Variants in NAMPT observed in about 807,000 individuals in gnomAD.
NAMPT encodes NAmPRTase.
In NAMPT, 7 loss-of-function variants were observed where a neutral mutation model predicts 58.7. The observed-to-expected ratio is 0.12, with a 90% CI of 0.07 to 0.22. The LOEUF is 0.22. Among genes scored for constraint, NAMPT ranks in the 10% least tolerant of loss-of-function variants. The probability of loss-of-function intolerance (pLI) is 1.00; values close to 1 mark genes in which losing one functional copy is unlikely to be tolerated. For synonymous variants in NAMPT, 145 were observed against 198.1 expected (o/e 0.73, Z 2.25); for missense variants, 271 against 567.9 (o/e 0.48, Z 5.31).
At chr7:106,275,257 G>A (rs1792610887) in intron 2 of NAMPT, 1 of 344,042 alleles carries the variant, frequency 2.9e-6, no homozygotes, top group Middle Eastern at 7.1e-4. Context: ...TTTATTTATT[G>A]TAAAAGCAGA....
intron 7 of NAMPT, among the ~76,000 whole-genome samples, chr7:106,262,222 T>C (rs142579353): frequency 3.9e-5 from 6 of 152,100 alleles, no homozygotes; most frequent in Middle Eastern, 3.2e-3. Flanking sequence ...AAGTTCTCCT[T>C]TGCTCTTAAA....
chr7:106,282,506 C>T (rs1792786100), intron 1 of NAMPT, among the ~76,000 whole-genome samples: 2 of 152,208 alleles, frequency 1.3e-5, no homozygotes, highest in African/African-American at 2.4e-5. Context: ...GTCCTTACTT[C>T]TAACAAGAAC....
intron 10 of NAMPT, 56 bp from the exon 11 acceptor site, chr7:106,251,249 C>T: frequency 8.6e-7 from 1 of 1,166,206 alleles, no homozygotes; most frequent in East Asian, 2.4e-5. Context: ...ATACCTGAAT[C>T]CTGGTTTGAT....
Position 106,269,247 on chromosome 7 carries a change from T to C in NAMPT, c.513A>G (p.Ile171Met), listed in dbSNP as rs755948396. Residue 171 changes from isoleucine (I) to methionine (M), a missense_variant, in exon 5 of 11, where the codon ATA becomes ATG. This residue lies in a region of NAMPT where 103 missense variants were observed against 194.2 expected (regional missense o/e 0.53). Coordinates refer to ENST00000222553, the MANE Select transcript of NAMPT (RefSeq NM_005746.3). ...AAGTTTCTAACAAATATTTGGCCAATATTTTCTTCTGCTCTCTAGAATTTG... is the reference window on the plus strand; with the variant it reads ...AAGTTTCTAACAAATATTTGGCCAACATTTTCTTCTGCTCTCTAGAATTTG... ...VATNSREQKK[I>M]LAKYLLETSG... The C allele has an allele frequency of 6.2e-7, 1 of 1,613,418 alleles. No individual in the cohort carries two copies. Among genetic ancestry groups the C allele is most frequent in the South Asian group, 1.1e-5 (1 of 91,040 alleles).
At chr7:106,285,013 GA>G, upstream of NAMPT, 2 of 1,430,334 alleles carry the variant, frequency 1.4e-6, no homozygotes, top group Non-Finnish European at 1.9e-6. Flanking sequence ...GGGAGAGGGG[GA>G]AACGGAGAGA....
intron 10 of NAMPT, among the ~76,000 whole-genome samples, chr7:106,251,888 T>A (rs1019239720): frequency 1.3e-5 from 2 of 152,108 alleles, no homozygotes; most frequent in African/African-American, 4.8e-5. Context: ...ACTAAGGAGT[T>A]ACCTGCTTCT....
chr7:106,285,084 G>A (rs879303910), upstream of NAMPT: 95 of 1,351,304 alleles, frequency 7.0e-5, no homozygotes, highest in Non-Finnish European at 8.6e-5. Context: ...TGACGGCTGC[G>A]GCGGCTCGCG....
At chr7:106,282,466 A>G (rs910243097) in intron 1 of NAMPT, among the ~76,000 whole-genome samples, 15 of 152,232 alleles carry the variant, frequency 9.9e-5, no homozygotes, top group African/African-American at 3.4e-4. Context: ...AGCACATTTC[A>G]TAACTAATGG....
At chr7:106,263,929 C>T (rs578234806) in intron 6 of NAMPT, among the ~76,000 whole-genome samples, 1 of 152,148 alleles carries the variant, frequency 6.6e-6, no homozygotes, top group African/African-American at 2.4e-5. Flanking sequence ...CATTTAAAAT[C>T]AGTCTAACTA....
intron 10 of NAMPT, among the ~76,000 whole-genome samples, chr7:106,251,936 T>C (rs748211573): frequency 1.7e-4 from 26 of 151,998 alleles, no homozygotes; most frequent in Non-Finnish European, 3.1e-4. Flanking sequence ...TAATCTCAAT[T>C]TTCCACCTAG....
At chr7:106,255,470 A>G (rs527534140) in intron 8 of NAMPT, among the ~76,000 whole-genome samples, 1 of 152,316 alleles carries the variant, frequency 6.6e-6, no homozygotes, top group Non-Finnish European at 1.5e-5. Flanking sequence ...ATTCTCACCA[A>G]ATAGTCTCAA....
chr7:106,285,251 T>G, upstream of NAMPT: 1 of 884,256 alleles, frequency 1.1e-6, no homozygotes, highest in Non-Finnish European at 1.4e-6. Flanking sequence ...GCGCTCTTCC[T>G]CCCAGACGCC....
chr7:106,271,168 G>A (rs1049269747), intron 4 of NAMPT, among the ~76,000 whole-genome samples: 5 of 152,030 alleles, frequency 3.3e-5, no homozygotes. Context: ...AGGTGGAGCT[G>A]ATTCATACAG....
At chr7:106,281,897 C>T (rs1237855452) in intron 1 of NAMPT, among the ~76,000 whole-genome samples, 2 of 152,128 alleles carry the variant, frequency 1.3e-5, no homozygotes, top group South Asian at 2.1e-4. Context: ...TAACTCACAA[C>T]GAGAACACCA....
intron 1 of NAMPT, among the ~76,000 whole-genome samples, chr7:106,280,167 G>A (rs887494625): frequency 2.0e-5 from 3 of 152,158 alleles, no homozygotes; most frequent in African/African-American, 7.2e-5. Flanking sequence ...ACCAAAGAGT[G>A]CAGGAGTTAG....
chr7:106,252,321 A>G (rs1792118372), intron 10 of NAMPT, among the ~76,000 whole-genome samples: 1 of 152,128 alleles, frequency 6.6e-6, no homozygotes, highest in African/African-American at 2.4e-5. Context: ...TTTGATTTAC[A>G]AACATATTTT....
At chr7:106,269,417 C>A in intron 4 of NAMPT, 105 bp from the exon 5 acceptor site, 1 of 1,042,382 alleles carries the variant, frequency 9.6e-7, no homozygotes. Context: ...CCTGAACTTC[C>A]ATACTATTAA....
chr7:106,251,122 A>T lies in NAMPT; in HGVS notation c.1437T>A (p.Asn479Lys). 6.2e-7 allele frequency: 1 copy of T among 1,601,762 alleles called. No homozygotes were observed. Among genetic ancestry groups the T allele is most frequent in the Non-Finnish European group, 8.6e-7 (1 of 1,169,202 alleles). ...KSYSFDEIRK[N>K]AQLNIELEAA... is the part of the protein sequence containing the mutation. The stretch of plus-strand genomic sequence containing the variant: ...CTTCCAGTTCAATATTCAGCTGTGC[A>T]TTTTTTCTTATTTCATCAAATGAAT... The change falls in exon 11 of 11, where the codon AAT (asparagine) becomes AAA (lysine). Residue 479 changes from asparagine (N) to lysine (K), a missense_variant. Asn to Lys is a moderately conservative substitution (Grantham distance 94). Transcript: ENST00000222553.
At chr7:106,278,616 C>G (rs1792696773) in intron 1 of NAMPT, among the ~76,000 whole-genome samples, 1 of 152,134 alleles carries the variant, frequency 6.6e-6, no homozygotes, top group Non-Finnish European at 1.5e-5. Flanking sequence ...TGTCAATTCA[C>G]TAAAATGCAA....
Sources: allele counts gnomAD v4.1 joint callset (sites outside exome capture counted in the v4.1 genomes callset), GRCh38; gene constraint gnomAD v4.1.1; regional missense constraint gnomAD v4.1.1; transcripts MANE v1.5; gene names NCBI Gene and HGNC (gene_info 2026-07-23, HGNC 2026-07-21).